The following SLC17A5 variants were observed in gnomAD, a reference collection of about 807,000 sequenced individuals.
SLC17A5 encodes sialin.
In SLC17A5, 47 loss-of-function variants were observed where a neutral mutation model predicts 59.4. The ratio of observed to expected loss-of-function variants is 0.79; its 90% CI spans 0.63 to 1.01. The LOEUF (loss-of-function observed/expected upper bound fraction) is 1.01, where lower values mean the gene tolerates loss of function less well. SLC17A5 is among the 50% of genes least tolerant of loss of function. The pLI is 0.00. For missense variants in SLC17A5, 522 were observed against 595.5 expected, an observed-to-expected ratio of 0.88 and a Z score of 1.28; for synonymous variants, 202 against 210.7, an observed-to-expected ratio of 0.96 and a Z score of 0.36.
intron 1 of SLC17A5, among the ~76,000 whole-genome samples, chr6:73,646,602 T>C (rs1045256122): frequency 6.6e-6 from 1 of 152,210 alleles, no homozygotes; most frequent in Non-Finnish European, 1.5e-5. Context: ...TGCAACCAAA[T>C]GGGCAGTTGT....
chr6:73,613,493 G>A (rs968063155), intron 8 of SLC17A5, among the ~76,000 whole-genome samples: 2 of 152,110 alleles, frequency 1.3e-5, no homozygotes, highest in African/African-American at 2.4e-5. Context: ...AGCCTCCCAG[G>A]TAGCTGGGAT....
intron 7 of SLC17A5, among the ~76,000 whole-genome samples, chr6:73,617,361 C>T (rs1376445881): frequency 6.6e-6 from 1 of 151,658 alleles, no homozygotes; most frequent in African/African-American, 2.4e-5. Flanking sequence ...ACGGTGGGAT[C>T]ACATCTATCA....
chr6:73,593,551 C>T lies in SLC17A5; in HGVS notation c.*1526G>A. 6.6e-6 allele frequency: 1 copy of T among 152,232 alleles called. No individual in the cohort carries two copies. The highest frequency in any genetic ancestry group is 1.9e-4 in the East Asian group (1 of 5,204). 9.4% of individuals were successfully genotyped at this position (152,232 alleles called of 1,614,324 possible). On this transcript the variant is annotated 3_prime_UTR_variant, in exon 11 of 11. Coordinates refer to ENST00000355773, the MANE Select transcript of SLC17A5 (RefSeq NM_012434.5). ...AAAACATAAACTAAGTTTTAAGCCACATAGGTGTTCTGAAAGCATGCTCAA... is the reference window on the plus strand; with the variant it reads ...AAAACATAAACTAAGTTTTAAGCCATATAGGTGTTCTGAAAGCATGCTCAA...
In SLC17A5 at chr6:73,636,722, A is replaced by G. The variant is rs749360176; in HGVS notation, c.614-15T>C. ...AAGCTGTGCTCCTAGAACAACACAT[A>G]AGACTATTTTATAAACTTTGGAGAG... On this transcript the variant is annotated splice_polypyrimidine_tract_variant and intron_variant, in intron 4 of 10. Transcript: ENST00000355773. 1 of 1,563,812 alleles carries G rather than the reference A, an allele frequency of 6.4e-7. No individual in the cohort carries two copies. Among genetic ancestry groups the G allele is most frequent in the South Asian group, 1.1e-5 (1 of 90,004 alleles).
At chr6:73,638,581 C>G in intron 3 of SLC17A5, 82 bp from the exon 4 acceptor site, 1 of 1,105,868 alleles carries the variant, frequency 9.0e-7, no homozygotes, top group Non-Finnish European at 1.4e-6. Flanking sequence ...TATTTTGCTA[C>G]AAAAGCATTT....
At chr6:73,652,522 TATAC>T (rs1256297388) in intron 1 of SLC17A5, among the ~76,000 whole-genome samples, 1 of 152,234 alleles carries the variant, frequency 6.6e-6, no homozygotes, top group Non-Finnish European at 1.5e-5. Flanking sequence ...TGATTATACA[TATAC>T]ATATTTTTCA....
At chr6:73,607,497 C>T (rs1281906680) in intron 9 of SLC17A5, among the ~76,000 whole-genome samples, 2 of 152,160 alleles carry the variant, frequency 1.3e-5, no homozygotes, top group Admixed American at 1.3e-4. Context: ...AACTCCTGAC[C>T]TCAGGTGATC....
At position 73,594,017 on chromosome 6, in the gene SLC17A5, T is replaced by C. The variant is rs926631551; in HGVS notation, c.*1060A>G. The C allele has an allele frequency of 7.9e-5, 12 of 152,020 alleles. No homozygotes were observed. Among genetic ancestry groups the C allele is most frequent in the Admixed American group, 1.3e-4 (2 of 15,248 alleles). 9.4% of individuals were successfully genotyped at this position (152,020 alleles called of 1,614,324 possible). On this transcript the variant is annotated 3_prime_UTR_variant, in exon 11 of 11. Transcript: ENST00000355773. ...TGACTGGGCATCGCACTTTTCTTTCTTTATTCTTTTTTTTTTTTTGAGTTG... is the reference window on the plus strand; with the variant it reads ...TGACTGGGCATCGCACTTTTCTTTCCTTATTCTTTTTTTTTTTTTGAGTTG...
intron 9 of SLC17A5, among the ~76,000 whole-genome samples, chr6:73,608,893 G>T (rs1244912268): frequency 2.0e-5 from 3 of 152,174 alleles, no homozygotes; most frequent in African/African-American, 7.2e-5. Context: ...GGTGATGTAT[G>T]CCTGCAGTCC....
intron 6 of SLC17A5, 59 bp from the exon 7 acceptor site, chr6:73,622,021 C>T (rs1768177323): frequency 1.3e-6 from 2 of 1,520,320 alleles, no homozygotes; most frequent in Non-Finnish European, 1.8e-6. Context: ...TAGATCTGTA[C>T]CGTATCAGCT....
chr6:73,632,177 T>C (rs1768759276), intron 6 of SLC17A5, among the ~76,000 whole-genome samples: 1 of 149,038 alleles, frequency 6.7e-6, no homozygotes. Context: ...TGTGCACCTG[T>C]AGTCCCAGCT....
chr6:73,623,448 C>A (rs1369306231), intron 6 of SLC17A5, among the ~76,000 whole-genome samples: 1 of 151,926 alleles, frequency 6.6e-6, no homozygotes, highest in Non-Finnish European at 1.5e-5. Flanking sequence ...CAATCTCCGG[C>A]CTCAGCCCCC....
intron 5 of SLC17A5, among the ~76,000 whole-genome samples, chr6:73,636,048 C>T (rs779036151): frequency 1.3e-5 from 2 of 152,096 alleles, no homozygotes; most frequent in Admixed American, 6.6e-5. Flanking sequence ...CAGAAGAAAA[C>T]AACTTTTAAC....
intron 9 of SLC17A5, among the ~76,000 whole-genome samples, chr6:73,601,136 A>T (rs58059971): frequency 0.023 from 3,508 of 150,520 alleles, 102 homozygotes; most frequent in African/African-American, 0.081. Context: ...CTGGGAAGTG[A>T]GGAGCGTCTC....
At chr6:73,607,357 C>A (rs945939016) in intron 9 of SLC17A5, among the ~76,000 whole-genome samples, 3 of 151,610 alleles carry the variant, frequency 2.0e-5, no homozygotes, top group African/African-American at 7.3e-5. Flanking sequence ...CAACCTCCAC[C>A]TCCCAGGTTC....
At chr6:73,622,126 A>G (rs1489255849) in intron 6 of SLC17A5, among the ~76,000 whole-genome samples, 164 bp from the exon 7 acceptor site, 1 of 152,230 alleles carries the variant, frequency 6.6e-6, no homozygotes, top group Non-Finnish European at 1.5e-5. Flanking sequence ...AGCAAAATAC[A>G]TGATAAATAT....
At chr6:73,648,222 T>G (rs1011355429) in intron 1 of SLC17A5, among the ~76,000 whole-genome samples, 1 of 152,224 alleles carries the variant, frequency 6.6e-6, no homozygotes, top group Non-Finnish European at 1.5e-5. Flanking sequence ...CAAGAAGGTA[T>G]AGCAGTAAAG....
At chr6:73,644,721 C>T in intron 1 of SLC17A5, 118 bp from the exon 2 acceptor site, 1 of 916,742 alleles carries the variant, frequency 1.1e-6, no homozygotes, top group Non-Finnish European at 1.7e-6. Flanking sequence ...ATCCACCCAC[C>T]TCAGCCTCCC....
intron 8 of SLC17A5, among the ~76,000 whole-genome samples, chr6:73,611,789 C>A (rs549429652): frequency 7.4e-6 from 1 of 135,556 alleles, no homozygotes; most frequent in Admixed American, 7.2e-5. Flanking sequence ...TATACTGCAA[C>A]TGAGGAACTT....
Sources: allele counts gnomAD v4.1 joint callset (sites outside exome capture counted in the v4.1 genomes callset), GRCh38; gene constraint gnomAD v4.1.1; transcripts MANE v1.5; gene names NCBI Gene and HGNC (gene_info 2026-07-23, HGNC 2026-07-21).